Variants in KIF4A observed in about 807,000 individuals in gnomAD.
KIF4A encodes chromosome-associated kinesin KIF4A.
Under a neutral mutation model 105.9 loss-of-function variants are expected in KIF4A, and 7 were observed. The ratio of observed to expected loss-of-function variants is 0.07; its 90% CI spans 0.04 to 0.12. The LOEUF is 0.12. KIF4A is among the 10% of genes least tolerant of loss of function. The pLI is 1.00. For missense variants in KIF4A, 558 were observed against 929.2 expected, an observed-to-expected ratio of 0.60 and a Z score of 5.19; for synonymous variants, 281 against 331.3, an observed-to-expected ratio of 0.85 and a Z score of 1.65.
chrX:70,326,994 A>G (rs1487488338), intron 7 of KIF4A, among the ~76,000 whole-genome samples: 1 of 112,066 alleles, frequency 8.9e-6, no homozygotes, highest in Non-Finnish European at 1.9e-5. Context: ...TTTTGCTCCT[A>G]TATGAAACTA....
At chrX:70,367,521 A>G (rs1449653615) in intron 15 of KIF4A, among the ~76,000 whole-genome samples, 2 of 111,269 alleles carry the variant, frequency 1.8e-5, no homozygotes, top group African/African-American at 3.3e-5. Context: ...GCTTAGTTTG[A>G]CTGGATATGA....
At chrX:70,411,028 A>G (rs2086319900) in intron 28 of KIF4A, among the ~76,000 whole-genome samples, 7 of 112,943 alleles carry the variant, frequency 6.2e-5, no homozygotes. Context: ...AGGATACAGT[A>G]TCATGCAGAT....
chrX:70,374,112 TATA>T, intron 15 of KIF4A, 36 bp from the exon 16 acceptor site: 1 of 859,541 alleles, frequency 1.2e-6, no homozygotes, highest in Non-Finnish European at 1.7e-6. Flanking sequence ...TCCTGTGCCA[TATA>T]ATGTCTTCTT....
rs983122026 is a variant in KIF4A at position 70,311,889 on chromosome X, G to A, written c.778+9491G>A. ...GGATGGCTGGAGCCCAGGAGTTTGA[G>A]ACTGTGGTGAGCTGTGATTGAGCCA... On this transcript the variant is annotated intron_variant, in intron 7 of 30. Transcript: ENST00000374403. Among the ~76,000 whole-genome samples, 10 of 107,234 alleles carry A rather than the reference G, an allele frequency of 9.3e-5. 1 individual carries two copies. The highest frequency in any genetic ancestry group is 1.7e-4 in the Non-Finnish European group (9 of 52,061). 93.1% of individuals were successfully genotyped at this position (107,234 alleles called of 115,157 possible). A position where few individuals can be genotyped will look rare whatever the true frequency, so the allele number is the denominator to read the frequency against.
At chrX:70,371,508 G>C (rs1004009975) in intron 15 of KIF4A, among the ~76,000 whole-genome samples, 1 of 111,825 alleles carries the variant, frequency 8.9e-6, no homozygotes, top group Non-Finnish European at 1.9e-5. Flanking sequence ...CCCAGACGGG[G>C]TGGTGGCCGG....
Position 70,290,135 on chromosome X carries a change from A to C in KIF4A, c.-37A>C. On this transcript the variant is annotated 5_prime_UTR_variant, in exon 1 of 31. Coordinates refer to ENST00000374403, the MANE Select transcript of KIF4A (RefSeq NM_012310.5). Reference sequence around the variant, plus strand: ...GCGGGAGGCCCAGGGAGAACGGGGAAGGGACATTTAGTTTGGTGAGTTACG... The same window carrying C: ...GCGGGAGGCCCAGGGAGAACGGGGACGGGACATTTAGTTTGGTGAGTTACG... 9 of 182,946 alleles carry C rather than the reference A, an allele frequency of 4.9e-5. No homozygotes were observed. The highest frequency in any genetic ancestry group is 2.3e-4 in the East Asian group (2 of 8,682). The allele number at this position is 182,946 out of a possible 1,213,427, so 15.1% of individuals were successfully genotyped here. A position where few individuals can be genotyped will look rare whatever the true frequency, so the allele number is the denominator to read the frequency against.
chrX:70,413,557 C>A (rs986064848), intron 28 of KIF4A, among the ~76,000 whole-genome samples: 2 of 106,098 alleles, frequency 1.9e-5, no homozygotes, highest in African/African-American at 3.5e-5. Context: ...TTGCTTAAAC[C>A]TGGCAGAGGT....
intron 14 of KIF4A, among the ~76,000 whole-genome samples, chrX:70,353,182 G>T (rs1450004048): frequency 1.8e-5 from 2 of 112,185 alleles, no homozygotes; most frequent in Non-Finnish European, 3.8e-5. Flanking sequence ...CTTGAGACAG[G>T]CTTTTCTCCC....
intron 15 of KIF4A, among the ~76,000 whole-genome samples, chrX:70,369,417 A>G (rs941714248): frequency 7.1e-5 from 8 of 112,245 alleles, no homozygotes; most frequent in African/African-American, 1.9e-4. Flanking sequence ...TTTTTCATCT[A>G]TCAGATTGGT....
chrX:70,363,705 T>C (rs1394993932), intron 15 of KIF4A, among the ~76,000 whole-genome samples: 1 of 112,202 alleles, frequency 8.9e-6, no homozygotes, highest in African/African-American at 3.2e-5. Context: ...TAGACATACG[T>C]GTTCATGTGT....
At chrX:70,417,123 A>G (rs2086347327) in intron 28 of KIF4A, among the ~76,000 whole-genome samples, 1 of 112,859 alleles carries the variant, frequency 8.9e-6, no homozygotes, top group Non-Finnish European at 1.9e-5. Flanking sequence ...CTTTACCCAT[A>G]AAGTTGTCAT....
chrX:70,368,180 T>C (rs775500800), intron 15 of KIF4A, among the ~76,000 whole-genome samples: 15 of 112,048 alleles, frequency 1.3e-4, no homozygotes, highest in African/African-American at 4.5e-4. Context: ...TTTTAACTTC[T>C]TTGTCATGGG....
intron 9 of KIF4A, 123 bp downstream of exon 9, chrX:70,330,455 C>T (rs1327819353): frequency 2.2e-5 from 14 of 626,886 alleles, no homozygotes; most frequent in Admixed American, 6.9e-5. Context: ...TATGTTTGTT[C>T]GGGGACCTCT....
rs921056347 is a variant in KIF4A at position 70,401,621 on chromosome X, G to A, written c.2490-945G>A. Among the ~76,000 whole-genome samples, 6 of 108,314 alleles carry A rather than the reference G, an allele frequency of 5.5e-5. No homozygotes were observed. The South Asian group carries it at 1.2e-3, about 22-fold the overall frequency. 94.1% of individuals were successfully genotyped at this position (108,314 alleles called of 115,157 possible). On this transcript the variant is annotated intron_variant, in intron 22 of 30. Coordinates refer to ENST00000374403, the MANE Select transcript of KIF4A (RefSeq NM_012310.5). ...TCACCAGGTTGGCCAGGCTGGTCTC[G>A]AACTCCTGACCTCAGGTGATCCACC...
intron 3 of KIF4A, among the ~76,000 whole-genome samples, chrX:70,292,576 C>G (rs1302018859): frequency 8.9e-6 from 1 of 112,417 alleles, no homozygotes; most frequent in Non-Finnish European, 1.9e-5. Context: ...TACTGATGTT[C>G]ATTTTGATCA....
chrX:70,318,715 A>G (rs1456004792), intron 7 of KIF4A, among the ~76,000 whole-genome samples: 1 of 112,028 alleles, frequency 8.9e-6, no homozygotes, highest in African/African-American at 3.2e-5. Flanking sequence ...CATTTCCTCA[A>G]TTACTAATGG....
At chrX:70,335,047 A>G (rs1037745198) in intron 10 of KIF4A, among the ~76,000 whole-genome samples, 2 of 112,010 alleles carry the variant, frequency 1.8e-5, no homozygotes, top group African/African-American at 6.5e-5. Context: ...TTCTGTTTAT[A>G]TATCCAAAAT....
rs147676090 is a variant in KIF4A at position 70,328,068 on chromosome X, C to T, written c.779-1337C>T. Among the ~76,000 whole-genome samples the T allele has an allele frequency of 4.6e-3, 516 of 111,711 alleles. 4 individuals carry two copies. Among genetic ancestry groups the T allele is most frequent in the African/African-American group, 0.016 (485 of 30,801 alleles). ...GATAGTAGGATGCAGTCAGGAATTT[C>T]GAGTTCAGGATCTCATAAATATAAT... On this transcript the variant is annotated intron_variant, in intron 7 of 30. Coordinates refer to ENST00000374403, the MANE Select transcript of KIF4A (RefSeq NM_012310.5).
At chrX:70,402,145 A>G (rs5980926) in intron 22 of KIF4A, among the ~76,000 whole-genome samples, 1,836 of 111,675 alleles carry the variant, frequency 0.016, 35 homozygotes, top group African/African-American at 0.056. Flanking sequence ...AGTAAAGAGC[A>G]TATCTACCTG....
Sources: allele counts gnomAD v4.1 joint callset (sites outside exome capture counted in the v4.1 genomes callset), GRCh38; gene constraint gnomAD v4.1.1; transcripts MANE v1.5; gene names NCBI Gene and HGNC (gene_info 2026-07-23, HGNC 2026-07-21).